The following MTA3 variants were observed in gnomAD, a reference collection of about 807,000 sequenced individuals.
MTA3 encodes metastasis associated 1 family member 3.
A neutral mutation model predicts 83.5 loss-of-function variants in MTA3; 34 were observed. The observed-to-expected ratio is 0.41, with a 90% confidence interval of 0.31 to 0.54. The LOEUF (loss-of-function observed/expected upper bound fraction) is 0.54, where lower values mean the gene tolerates loss of function less well. Ranked by LOEUF, MTA3 falls within the 20% of genes least tolerant of loss-of-function variation. The pLI is 0.33. For synonymous variants in MTA3, 303 were observed against 252.7 expected, an observed-to-expected ratio of 1.20 and a Z score of -1.89; for missense variants, 761 against 726.4, an observed-to-expected ratio of 1.05 and a Z score of -0.55.
intron 2 of MTA3, among the ~76,000 whole-genome samples, chr2:42,498,733 G>A (rs963895): frequency 0.15 from 22,809 of 152,182 alleles, 2,049 homozygotes; most frequent in Middle Eastern, 0.21. Context: ...GTCTGCAGCA[G>A]CTCATCAGAA....
chr2:42,674,694 G>A (rs943573046), intron 8 of MTA3, among the ~76,000 whole-genome samples: 1 of 149,304 alleles, frequency 6.7e-6, no homozygotes, highest in African/African-American at 2.5e-5. Context: ...CACTTCCTGA[G>A]TTCAAGGGAT....
chr2:42,583,817 C>T (rs138997033), intron 3 of MTA3, among the ~76,000 whole-genome samples: 37 of 151,918 alleles, frequency 2.4e-4, no homozygotes, highest in African/African-American at 8.9e-4. Flanking sequence ...AGGTGTGAGC[C>T]ACTGTGCCTG....
chr2:42,589,033 T>G (rs930909701), intron 3 of MTA3, among the ~76,000 whole-genome samples: 2 of 152,158 alleles, frequency 1.3e-5, no homozygotes, highest in East Asian at 3.8e-4. Flanking sequence ...GAGGCCAATC[T>G]TCTTAACTTC....
chr2:42,681,780 G>T (rs529517044), intron 8 of MTA3, among the ~76,000 whole-genome samples: 19 of 151,776 alleles, frequency 1.3e-4, no homozygotes, highest in Non-Finnish European at 2.1e-4. Flanking sequence ...CAAAGCGCTG[G>T]GATTACAGGC....
chr2:42,586,970 C>T (rs1680406517), intron 3 of MTA3, among the ~76,000 whole-genome samples: 1 of 152,144 alleles, frequency 6.6e-6, no homozygotes. Context: ...TTGCAGTGAG[C>T]TGAGATCGTG....
At chr2:42,710,396 C>G (rs181791510) in intron 14 of MTA3, among the ~76,000 whole-genome samples, 3 of 151,618 alleles carry the variant, frequency 2.0e-5, no homozygotes, top group African/African-American at 7.3e-5. Flanking sequence ...ACTAAATATA[C>G]AAAAATTAGC....
intron 3 of MTA3, among the ~76,000 whole-genome samples, chr2:42,586,979 T>C (rs931991202): frequency 1.3e-5 from 2 of 152,024 alleles, no homozygotes; most frequent in African/African-American, 4.8e-5. Flanking sequence ...GCTGAGATCG[T>C]GCCACTGCAC....
intron 2 of MTA3, among the ~76,000 whole-genome samples, chr2:42,554,224 A>C (rs1214868158): frequency 6.6e-6 from 1 of 152,084 alleles, no homozygotes; most frequent in Non-Finnish European, 1.5e-5. Context: ...ACAGAGCAAG[A>C]CTCCGTCTCA....
chr2:42,657,208 T>G (rs1689249874), intron 7 of MTA3, among the ~76,000 whole-genome samples: 1 of 152,224 alleles, frequency 6.6e-6, no homozygotes, highest in African/African-American at 2.4e-5. Flanking sequence ...ATTATGTTAT[T>G]GTCTGATTTT....
At chr2:42,615,306 C>T (rs1450810749) in intron 4 of MTA3, among the ~76,000 whole-genome samples, 2 of 151,058 alleles carry the variant, frequency 1.3e-5, no homozygotes, top group African/African-American at 4.9e-5. Context: ...TATCCAATAG[C>T]CATTCAGGAT....
At chr2:42,713,441 T>A (rs1407640932) in intron 14 of MTA3, among the ~76,000 whole-genome samples, 1 of 152,208 alleles carries the variant, frequency 6.6e-6, no homozygotes, top group Non-Finnish European at 1.5e-5. Flanking sequence ...GTAGAGAGTT[T>A]AAATTTTTTT....
intron 2 of MTA3, among the ~76,000 whole-genome samples, chr2:42,578,351 T>A (rs143490371): frequency 6.6e-6 from 1 of 151,718 alleles, no homozygotes; most frequent in Non-Finnish European, 1.5e-5. Flanking sequence ...CATAACTGAA[T>A]TTTTTTTTGA....
At chr2:42,747,354 A>G (rs1669519739) in intron 16 of MTA3, among the ~76,000 whole-genome samples, 1 of 152,108 alleles carries the variant, frequency 6.6e-6, no homozygotes, top group African/African-American at 2.4e-5. Flanking sequence ...TCCTGGGGGC[A>G]GGATCCTTTC....
At chr2:42,696,184 G>C (rs1427025041) in intron 10 of MTA3, among the ~76,000 whole-genome samples, 2 of 152,070 alleles carry the variant, frequency 1.3e-5, no homozygotes, top group Non-Finnish European at 2.9e-5. Flanking sequence ...ATGAAGAATT[G>C]AGTATTTAGA....
chr2:42,497,304 T>A (rs1674180556), intron 2 of MTA3, among the ~76,000 whole-genome samples: 1 of 151,868 alleles, frequency 6.6e-6, no homozygotes, highest in Non-Finnish European at 1.5e-5. Context: ...AAGTCCAAAT[T>A]GGCCAGGCGC....
intron 3 of MTA3, among the ~76,000 whole-genome samples, chr2:42,598,884 G>C (rs1432249939): frequency 6.6e-6 from 1 of 152,154 alleles, no homozygotes; most frequent in Non-Finnish European, 1.5e-5. Flanking sequence ...TGACATACAT[G>C]GGAAGTGGGT....
chr2:42,494,908 A>G (rs3796077), exon 1 of MTA3: 101,895 of 152,212 alleles, frequency 0.67, 34,601 homozygotes, highest in Middle Eastern at 0.82. Flanking sequence ...CGTGCCCAGA[A>G]AGCGGGTTCC....
At chr2:42,573,627 C>T (rs143591426) in intron 2 of MTA3, among the ~76,000 whole-genome samples, 3,617 of 152,298 alleles carry the variant, frequency 0.024, 59 homozygotes, top group Non-Finnish European at 0.036. Flanking sequence ...TCTTCTGCCT[C>T]AGCCTCCCGA....
chr2:42,559,861 G>A lies in MTA3; in HGVS notation c.-140-10576G>A, dbSNP rs1266385431. ...TGCAGTAAGCCGAGATTGAGCCGCT[G>A]CACTCCAGCCTGGGCAACAAGAGCG... is the stretch of plus-strand genomic sequence containing the variant. On this transcript the variant is annotated intron_variant, in intron 2 of 17. Transcript: ENST00000405592. Among the ~76,000 whole-genome samples, 4 of 150,044 alleles carry A rather than the reference G, an allele frequency of 2.7e-5. No homozygotes were observed. In the Admixed American group the frequency reaches 2.7e-4, roughly 10 times the overall value.
Sources: allele counts gnomAD v4.1 joint callset (sites outside exome capture counted in the v4.1 genomes callset), GRCh38; gene constraint gnomAD v4.1.1; transcripts MANE v1.5; gene names NCBI Gene and HGNC (gene_info 2026-07-23, HGNC 2026-07-21).